The following DPP10 variants were observed in gnomAD, a reference collection of about 807,000 sequenced individuals.
DPP10 encodes inactive dipeptidyl peptidase 10.
A neutral mutation model predicts 120.9 loss-of-function variants in DPP10; 33 were observed. The observed-to-expected ratio is 0.27, with a 90% CI of 0.21 to 0.37. The LOEUF is 0.37. Ranked by LOEUF, DPP10 falls within the 10% of genes least tolerant of loss-of-function variation. The pLI is 1.00. For synonymous variants in DPP10, 337 were observed against 326.1 expected (o/e 1.03, Z -0.36); for missense variants, 816 against 942.8 (o/e 0.87, Z 1.76).
chr2:114,862,165 C>A (rs1380669861), intron 1 of DPP10, among the ~76,000 whole-genome samples: 2 of 151,932 alleles, frequency 1.3e-5, no homozygotes, highest in Non-Finnish European at 2.9e-5. Context: ...AAGCACTAGA[C>A]AGAGATTGCA....
intron 1 of DPP10, among the ~76,000 whole-genome samples, chr2:114,841,399 G>C (rs1391429062): frequency 1.3e-5 from 2 of 152,162 alleles, no homozygotes; most frequent in Non-Finnish European, 2.9e-5. Flanking sequence ...CACTTTTGGG[G>C]TAAGACTATG....
intron 5 of DPP10, among the ~76,000 whole-genome samples, chr2:115,555,100 C>A (rs1171136272): frequency 6.6e-6 from 1 of 152,128 alleles, no homozygotes; most frequent in African/African-American, 2.4e-5. Context: ...TACTTTTCTT[C>A]TCTTACTTTG....
At position 114,598,254 on chromosome 2, in the gene DPP10, G is replaced by A. The variant is rs1013610947; in HGVS notation, c.60+155416G>A. On this transcript the variant is annotated intron_variant, in intron 1 of 25. Transcript: ENST00000410059. ...GAAACTTGTTTTAATATCAAGAGAA[G>A]GAGACTGAATTTCATTTGGCTGGCA... Among the ~76,000 whole-genome samples, 26 of 152,016 alleles carry A rather than the reference G, an allele frequency of 1.7e-4. 1 individual carries two copies. The highest frequency in any genetic ancestry group is 4.8e-4 in the African/African-American group (20 of 41,516).
chr2:114,677,655 G>A (rs1698756847), intron 1 of DPP10, among the ~76,000 whole-genome samples: 1 of 152,128 alleles, frequency 6.6e-6, no homozygotes, highest in Non-Finnish European at 1.5e-5. Flanking sequence ...GCTAAATGAT[G>A]GAGGCAATGT....
intron 13 of DPP10, among the ~76,000 whole-genome samples, chr2:115,774,051 T>C (rs1365498931): frequency 2.6e-5 from 4 of 152,106 alleles, no homozygotes; most frequent in African/African-American, 9.7e-5. Context: ...AGAGATCTTT[T>C]GGTCCTACAC....
intron 4 of DPP10, among the ~76,000 whole-genome samples, chr2:115,516,638 A>AT (rs1165257507): frequency 2.2e-5 from 3 of 137,002 alleles, no homozygotes; most frequent in Non-Finnish European, 3.2e-5. Flanking sequence ...AGATCCTTAT[A>AT]TTTTTTGTTG....
At chr2:114,841,910 T>A (rs1688189666) in intron 1 of DPP10, among the ~76,000 whole-genome samples, 1 of 152,074 alleles carries the variant, frequency 6.6e-6, no homozygotes, top group Non-Finnish European at 1.5e-5. Context: ...GACCATGGCT[T>A]CATTCCAAGT....
intron 5 of DPP10, among the ~76,000 whole-genome samples, chr2:115,639,408 G>C (rs1050002534): frequency 6.6e-6 from 1 of 152,182 alleles, no homozygotes; most frequent in Non-Finnish European, 1.5e-5. Context: ...GTAGAAATTA[G>C]AGTCTAAAGC....
At chr2:114,595,847 C>T (rs1691862598) in intron 1 of DPP10, among the ~76,000 whole-genome samples, 1 of 152,104 alleles carries the variant, frequency 6.6e-6, no homozygotes, top group Non-Finnish European at 1.5e-5. Flanking sequence ...AATGGATGAC[C>T]TGAATGTCCT....
rs1037674404 is a variant in DPP10, at chr2:115,424,140, C to T, written c.272-75370C>T. Among the ~76,000 whole-genome samples, 10 of 152,218 alleles carry T rather than the reference C, an allele frequency of 6.6e-5. No homozygotes were observed. In the East Asian group the frequency reaches 1.9e-3, roughly 29 times the overall value. ...TAAGACATTATGACAAGAAATACCC[C>T]TTACAAAGACAACCAAAAGAGTCAG... On this transcript the variant is annotated intron_variant, in intron 3 of 25. Transcript: ENST00000410059.
At chr2:115,129,760 C>T (rs1483791959) in intron 1 of DPP10, among the ~76,000 whole-genome samples, 1 of 152,146 alleles carries the variant, frequency 6.6e-6, no homozygotes, top group Non-Finnish European at 1.5e-5. Context: ...AAACCAGCAG[C>T]ATAGGCATCC....
At chr2:114,689,240 A>G (rs1013580060) in intron 1 of DPP10, among the ~76,000 whole-genome samples, 2 of 145,588 alleles carry the variant, frequency 1.4e-5, no homozygotes, top group African/African-American at 5.1e-5. Context: ...GCCCCTTACC[A>G]CCCTGCGACA....
chr2:115,277,835 C>G (rs914427907), intron 1 of DPP10, among the ~76,000 whole-genome samples: 3 of 151,968 alleles, frequency 2.0e-5, no homozygotes, highest in Admixed American at 6.6e-5. Flanking sequence ...GACTTTTAAA[C>G]TTTAATAAAT....
At chr2:114,733,525 A>G (rs948973910) in intron 1 of DPP10, among the ~76,000 whole-genome samples, 4 of 152,182 alleles carry the variant, frequency 2.6e-5, no homozygotes, top group Admixed American at 2.0e-4. Flanking sequence ...ATCTATTTCC[A>G]GAAGTAGTTT....
intron 1 of DPP10, among the ~76,000 whole-genome samples, chr2:114,763,851 C>T (rs901421144): frequency 7.2e-5 from 11 of 152,278 alleles, no homozygotes; most frequent in African/African-American, 1.7e-4. Context: ...ACTCTTTCCT[C>T]CATCCTCTGT....
chr2:115,682,045 T>C (rs1434013742), intron 5 of DPP10, among the ~76,000 whole-genome samples: 7 of 152,032 alleles, frequency 4.6e-5, no homozygotes, highest in East Asian at 1.9e-4. Context: ...CAGCACTAAA[T>C]GGAAGCTAGG....
chr2:114,589,674 T>C (rs966149898), intron 1 of DPP10, among the ~76,000 whole-genome samples: 2 of 152,208 alleles, frequency 1.3e-5, no homozygotes, highest in African/African-American at 2.4e-5. Flanking sequence ...TGAATAATTA[T>C]CTTCTGGTTA....
At chr2:115,742,441 A>C (rs1482379515) in intron 9 of DPP10, among the ~76,000 whole-genome samples, 2 of 152,178 alleles carry the variant, frequency 1.3e-5, no homozygotes, top group African/African-American at 2.4e-5. Flanking sequence ...ACTATATATG[A>C]TAACTACCAT....
At chr2:114,864,810 G>A (rs1367443707) in intron 1 of DPP10, among the ~76,000 whole-genome samples, 1 of 152,146 alleles carries the variant, frequency 6.6e-6, no homozygotes, top group East Asian at 1.9e-4. Flanking sequence ...ATGGAAATTT[G>A]GCTTCAGTAC....
Sources: gnomAD v4.1 joint callset for allele counts (sites outside exome capture counted in the v4.1 genomes callset) on GRCh38, gnomAD v4.1.1 for gene constraint, MANE v1.5 for transcripts, NCBI Gene and HGNC (gene_info 2026-07-23, HGNC 2026-07-21) for gene names.